The following GMDS variants were observed in gnomAD, a reference collection of about 807,000 sequenced individuals.
GMDS encodes GDP-mannose 4,6 dehydratase.
Under a neutral mutation model 49.9 loss-of-function variants are expected in GMDS, and 20 were observed. The ratio of observed to expected loss-of-function variants is 0.40; its 90% confidence interval spans 0.28 to 0.58. The LOEUF (loss-of-function observed/expected upper bound fraction) is 0.58. Among genes scored for constraint, GMDS ranks in the 20% least tolerant of loss-of-function variants. The pLI, the probability that GMDS is intolerant of heterozygous loss-of-function variation, is 0.42. For synonymous variants in GMDS, 177 were observed against 178.6 expected, an observed-to-expected ratio of 0.99 and a Z score of 0.07; for missense variants, 362 against 481.4, an observed-to-expected ratio of 0.75 and a Z score of 2.32.
At chr6:1,788,578 A>G (rs1000313293) in intron 7 of GMDS, among the ~76,000 whole-genome samples, 1 of 152,222 alleles carries the variant, frequency 6.6e-6, no homozygotes, top group African/African-American at 2.4e-5. Flanking sequence ...TGATGACTTC[A>G]TTACTTCAGG....
chr6:2,016,090 A>G (rs1442872864), intron 4 of GMDS, among the ~76,000 whole-genome samples: 1 of 149,874 alleles, frequency 6.7e-6, no homozygotes, highest in African/African-American at 2.4e-5. Flanking sequence ...AATAAATTAA[A>G]AAAAAAAAAA....
intron 1 of GMDS, among the ~76,000 whole-genome samples, chr6:2,188,133 G>A (rs1269958637): frequency 2.0e-5 from 3 of 152,326 alleles, no homozygotes; most frequent in South Asian, 2.1e-4. Context: ...CATGCCCACC[G>A]AGGAGGGGGA....
At chr6:2,176,705 C>G (rs533406586) in intron 1 of GMDS, among the ~76,000 whole-genome samples, 28 of 152,168 alleles carry the variant, frequency 1.8e-4, no homozygotes, top group African/African-American at 6.5e-4. Context: ...TCTCACACTC[C>G]CTCTCAGAAA....
At chr6:2,104,633 T>C (rs1016979936) in intron 4 of GMDS, among the ~76,000 whole-genome samples, 3 of 152,194 alleles carry the variant, frequency 2.0e-5, no homozygotes, top group Admixed American at 1.3e-4. Context: ...AAATTTCCAT[T>C]TCTTTCTCTG....
intron 8 of GMDS, among the ~76,000 whole-genome samples, chr6:1,732,586 G>A (rs965977127): frequency 6.6e-6 from 1 of 152,168 alleles, no homozygotes; most frequent in African/African-American, 2.4e-5. Flanking sequence ...GAAACATGGA[G>A]ATAAATGCCA....
intron 4 of GMDS, among the ~76,000 whole-genome samples, chr6:2,064,214 C>G (rs1339928189): frequency 6.6e-6 from 1 of 152,024 alleles, no homozygotes; most frequent in Non-Finnish European, 1.5e-5. Context: ...CCAAGTGATA[C>G]TAAAAGTTTA....
intron 4 of GMDS, among the ~76,000 whole-genome samples, chr6:2,084,190 G>C (rs539906744): frequency 6.6e-6 from 1 of 152,182 alleles, no homozygotes; most frequent in Admixed American, 6.5e-5. Flanking sequence ...CCTCCTCATA[G>C]ATACTCTTCA....
intron 7 of GMDS, among the ~76,000 whole-genome samples, chr6:1,764,744 T>C (rs1247300926): frequency 6.6e-6 from 1 of 152,224 alleles, no homozygotes; most frequent in African/African-American, 2.4e-5. Context: ...TTTTGAAAGA[T>C]GAGTTTTAGA....
chr6:2,194,762 T>C lies in GMDS; in HGVS notation c.102+50559A>G, dbSNP rs888389508. 6.6e-5 allele frequency among the ~76,000 whole-genome samples: 10 copies of C among 152,260 alleles called. No homozygotes were observed. The South Asian group carries it at 1.4e-3, about 22-fold the overall frequency. On this transcript the variant is annotated intron_variant, in intron 1 of 10. Coordinates refer to ENST00000380815, the MANE Select transcript of GMDS (RefSeq NM_001500.4). ...AACATTCTTTCAAATCACGTCAGTTTCCTTGACAAAAATTAATACCTTAAT... is the reference window on the plus strand; with the variant it reads ...AACATTCTTTCAAATCACGTCAGTTCCCTTGACAAAAATTAATACCTTAAT...
chr6:1,991,550 G>A (rs1278346157), intron 4 of GMDS, among the ~76,000 whole-genome samples: 1 of 152,190 alleles, frequency 6.6e-6, no homozygotes, highest in African/African-American at 2.4e-5. Flanking sequence ...CTAGGACTAT[G>A]TGCTCCTGAC....
At chr6:2,115,163 G>C (rs1392779956) in intron 4 of GMDS, among the ~76,000 whole-genome samples, 1 of 152,118 alleles carries the variant, frequency 6.6e-6, no homozygotes, top group Non-Finnish European at 1.5e-5. Context: ...CTTGAATTAA[G>C]CAGACCACTA....
intron 7 of GMDS, among the ~76,000 whole-genome samples, chr6:1,917,654 T>C (rs1481553182): frequency 6.6e-6 from 1 of 152,242 alleles, no homozygotes; most frequent in Non-Finnish European, 1.5e-5. Context: ...TATGCAGCCC[T>C]TGAAATCCTC....
At chr6:1,719,878 T>G (rs772220973) in intron 9 of GMDS, among the ~76,000 whole-genome samples, 10 of 152,208 alleles carry the variant, frequency 6.6e-5, no homozygotes, top group Non-Finnish European at 1.3e-4. Flanking sequence ...TGAAACTTAT[T>G]TTGTAGACGT....
chr6:1,670,321 C>T (rs1378211372), intron 9 of GMDS, among the ~76,000 whole-genome samples: 3 of 151,428 alleles, frequency 2.0e-5, no homozygotes, highest in Admixed American at 6.6e-5. Context: ...TTTTCTTGCC[C>T]TGATTTGAAA....
intron 7 of GMDS, among the ~76,000 whole-genome samples, chr6:1,904,726 C>A (rs1350863618): frequency 6.6e-6 from 1 of 152,162 alleles, no homozygotes; most frequent in Non-Finnish European, 1.5e-5. Flanking sequence ...CCACTTAATA[C>A]CTCACTGCAG....
chr6:1,936,095 C>G (rs1159142141), intron 6 of GMDS, among the ~76,000 whole-genome samples: 2 of 152,180 alleles, frequency 1.3e-5, no homozygotes, highest in African/African-American at 4.8e-5. Flanking sequence ...AGAACCGTGT[C>G]TAACACACTA....
At chr6:2,215,054 GA>G (rs1487020067) in intron 1 of GMDS, among the ~76,000 whole-genome samples, 4 of 152,128 alleles carry the variant, frequency 2.6e-5, no homozygotes, top group Non-Finnish European at 5.9e-5. Context: ...GACTGAATCT[GA>G]TTAAGTCTTT....
chr6:1,781,680 C>T (rs563370460), intron 7 of GMDS, among the ~76,000 whole-genome samples: 7 of 152,310 alleles, frequency 4.6e-5, no homozygotes, highest in South Asian at 2.1e-4. Flanking sequence ...AATAACATCC[C>T]GCTGTGAATA....
At chr6:2,190,909 T>A (rs1778984478) in intron 1 of GMDS, among the ~76,000 whole-genome samples, 1 of 152,038 alleles carries the variant, frequency 6.6e-6, no homozygotes, top group Admixed American at 6.5e-5. Flanking sequence ...CCCACCCTCA[T>A]GTGGCCAGGC....
Sources: allele counts gnomAD v4.1 joint callset (sites outside exome capture counted in the v4.1 genomes callset), GRCh38; gene constraint gnomAD v4.1.1; transcripts MANE v1.5; gene names NCBI Gene and HGNC (gene_info 2026-07-23, HGNC 2026-07-21).